The following DPP6 variants were observed in gnomAD, a reference collection of about 807,000 sequenced individuals.
The protein encoded by DPP6 is dipeptidyl peptidase like 6.
Under a neutral mutation model 122.6 loss-of-function variants are expected in DPP6, and 69 were observed. That is an observed-to-expected ratio of 0.56 (90% CI 0.46 to 0.69). The LOEUF is 0.69. DPP6 is among the 30% of genes least tolerant of loss of function. DPP6 has a pLI of 0.00. For synonymous variants in DPP6, 418 were observed against 433.1 expected (o/e 0.97, Z 0.43); for missense variants, 928 against 1,116.9 (o/e 0.83, Z 2.41).
chr7:154,277,502 G>A lies in DPP6; in HGVS notation c.244-168712G>A, dbSNP rs1037093809. On this transcript the variant is annotated intron_variant, in intron 1 of 25. Coordinates refer to ENST00000377770, the MANE Select transcript of DPP6 (RefSeq NM_130797.4). ...TGGAAGGCTGGGCATGGAGGCTCAC[G>A]CCTGTAATCCCAGCACTTTGGGAGG... Among the ~76,000 whole-genome samples the A allele has an allele frequency of 5.9e-5, 9 of 152,186 alleles. No individual in the cohort carries two copies. The East Asian group carries it at 1.2e-3, about 20-fold the overall frequency.
chr7:154,518,482 C>T (rs980870923), intron 3 of DPP6, among the ~76,000 whole-genome samples: 1 of 152,096 alleles, frequency 6.6e-6, no homozygotes, highest in Non-Finnish European at 1.5e-5. Flanking sequence ...AGTGTCCATG[C>T]CCAGGTGACA....
intron 22 of DPP6, among the ~76,000 whole-genome samples, chr7:154,886,961 G>A (rs1209530682): frequency 6.6e-6 from 1 of 152,182 alleles, no homozygotes; most frequent in African/African-American, 2.4e-5. Flanking sequence ...CAGGAATGCG[G>A]GTGCCACCTT....
chr7:154,677,030 A>G (rs1271316956), intron 7 of DPP6, among the ~76,000 whole-genome samples: 1 of 152,248 alleles, frequency 6.6e-6, no homozygotes, highest in Non-Finnish European at 1.5e-5. Context: ...ATACTCTTCT[A>G]ACTTTTAACT....
chr7:154,105,613 A>G (rs937169056), intron 1 of DPP6, among the ~76,000 whole-genome samples: 1 of 152,124 alleles, frequency 6.6e-6, no homozygotes, highest in Non-Finnish European at 1.5e-5. Flanking sequence ...CCTGGGAGGG[A>G]CACAGTGGGA....
intron 1 of DPP6, among the ~76,000 whole-genome samples, chr7:154,362,351 T>C (rs1811800895): frequency 6.6e-6 from 1 of 152,124 alleles, no homozygotes; most frequent in Non-Finnish European, 1.5e-5. Flanking sequence ...CAGTTCCAAC[T>C]CTAAAATTAT....
the DPP6 span, among the ~76,000 whole-genome samples, chr7:153,829,826 G>A: frequency 2.6e-5 from 4 of 152,162 alleles, no homozygotes; most frequent in African/African-American, 4.8e-5. Flanking sequence ...CAGATTGACC[G>A]ATTGTTTCGG....
At chr7:154,724,321 A>G (rs1841962351) in intron 7 of DPP6, among the ~76,000 whole-genome samples, 1 of 152,166 alleles carries the variant, frequency 6.6e-6, no homozygotes. Flanking sequence ...TCTATCACCC[A>G]GTGGCCCAAG....
intron 1 of DPP6, among the ~76,000 whole-genome samples, chr7:154,423,327 T>C (rs1398382823): frequency 6.6e-6 from 1 of 152,060 alleles, no homozygotes; most frequent in Non-Finnish European, 1.5e-5. Context: ...CGGTGGTGTC[T>C]GCGAACTGGC....
At chr7:154,063,711 TGA>T (rs1420773249) in intron 1 of DPP6, among the ~76,000 whole-genome samples, 1 of 148,508 alleles carries the variant, frequency 6.7e-6, no homozygotes, top group Non-Finnish European at 1.5e-5. Flanking sequence ...AGGTGGGGAC[TGA>T]GAGCCAGCCC....
At chr7:154,449,230 CA>C (rs959876943) in intron 2 of DPP6, among the ~76,000 whole-genome samples, 37 of 151,144 alleles carry the variant, frequency 2.4e-4, no homozygotes, top group African/African-American at 8.0e-4. Flanking sequence ...AACAAACAAA[CA>C]AAAAAACAAA....
At chr7:153,914,872 A>G (rs771799722) in intron 1 of DPP6, among the ~76,000 whole-genome samples, 3 of 152,212 alleles carry the variant, frequency 2.0e-5, no homozygotes, top group Non-Finnish European at 2.9e-5. Flanking sequence ...ATTTTTGTCT[A>G]TGCTGTGGGG....
chr7:154,047,303 G>T (rs1337543846), intron 1 of DPP6, among the ~76,000 whole-genome samples: 5 of 144,628 alleles, frequency 3.5e-5, no homozygotes, highest in Non-Finnish European at 5.9e-5. Context: ...GCACTGAAGT[G>T]CAGAGACTCA....
chr7:154,168,696 G>A (rs1797380334), intron 1 of DPP6, among the ~76,000 whole-genome samples: 2 of 152,266 alleles, frequency 1.3e-5, no homozygotes, highest in South Asian at 2.1e-4. Flanking sequence ...CTGTTCCACC[G>A]ACATCAGAAC....
chr7:154,808,023 T>C (rs765783028), intron 16 of DPP6, among the ~76,000 whole-genome samples: 2 of 152,052 alleles, frequency 1.3e-5, no homozygotes, highest in African/African-American at 4.8e-5. Context: ...TGGAAAGATA[T>C]GATATGAACC....
intron 8 of DPP6, among the ~76,000 whole-genome samples, chr7:154,728,503 C>T (rs1842179839): frequency 1.3e-5 from 2 of 152,222 alleles, no homozygotes; most frequent in Non-Finnish European, 2.9e-5. Context: ...TGTCTCCATG[C>T]TCATGACCCT....
Position 154,410,788 on chromosome 7 carries a change from T to C in DPP6, c.244-35426T>C, listed in dbSNP as rs565439012. Among the ~76,000 whole-genome samples the C allele has an allele frequency of 2.6e-5, 4 of 152,364 alleles. No homozygotes were observed. The South Asian group carries it at 8.3e-4, about 32-fold the overall frequency. On this transcript the variant is annotated intron_variant, in intron 1 of 25. Transcript: ENST00000377770. Reference sequence around the variant, plus strand: ...TTTCTTCCCTTTTAAAGAATTAAATTTGGTGTTTTCCCTTAGAGCTTGATT... The same window carrying C: ...TTTCTTCCCTTTTAAAGAATTAAATCTGGTGTTTTCCCTTAGAGCTTGATT...
intron 3 of DPP6, among the ~76,000 whole-genome samples, chr7:154,484,118 C>T (rs563556990): frequency 6.6e-6 from 1 of 152,144 alleles, no homozygotes; most frequent in Admixed American, 6.5e-5. Flanking sequence ...CATCACTAAC[C>T]ACACTAATTT....
At chr7:153,983,651 G>T (rs1429711293) in intron 1 of DPP6, among the ~76,000 whole-genome samples, 2 of 151,584 alleles carry the variant, frequency 1.3e-5, no homozygotes, top group African/African-American at 4.8e-5. Context: ...CCAGTTTTGT[G>T]CTTGAAAGCC....
At chr7:154,661,757 CGTGTTGGCCCT>C (rs1837683262) in intron 6 of DPP6, among the ~76,000 whole-genome samples, 1 of 131,218 alleles carries the variant, frequency 7.6e-6, no homozygotes. Context: ...ATCACCATGG[CGTGTTGGCCCT>C]AGTGTTCACG....
Sources: allele counts gnomAD v4.1 joint callset (sites outside exome capture counted in the v4.1 genomes callset), GRCh38; gene constraint gnomAD v4.1.1; transcripts MANE v1.5; gene names NCBI Gene and HGNC (gene_info 2026-07-23, HGNC 2026-07-21).